The following DHRS7 variants were observed in gnomAD, a reference collection of about 807,000 sequenced individuals.
The protein encoded by DHRS7 is dehydrogenase/reductase SDR family member 7.
Under a neutral mutation model 38.9 loss-of-function variants are expected in DHRS7, and 34 were observed. The ratio of observed to expected loss-of-function variants is 0.87; its 90% confidence interval spans 0.66 to 1.16. DHRS7 has a LOEUF of 1.16. Among genes scored for constraint, DHRS7 ranks in the 50% most tolerant of loss-of-function variants. The probability of loss-of-function intolerance (pLI) is 0.00; values close to 1 mark genes in which losing one functional copy is unlikely to be tolerated. For missense variants in DHRS7, 421 were observed against 407.0 expected (o/e 1.03, Z -0.30); for synonymous variants, 158 against 153.1 (o/e 1.03, Z -0.24).
At position 60,148,882 on chromosome 14, in the gene DHRS7, A is replaced by G. The variant is rs1896468700; in HGVS notation, c.972+471T>C. The G allele has an allele frequency of 6.4e-6, 1 of 155,632 alleles. No individual in the cohort carries two copies. Among genetic ancestry groups the G allele is most frequent in the Admixed American group, 6.4e-5 (1 of 15,526 alleles). The allele number at this position is 155,632 out of a possible 1,614,324, so 9.6% of individuals were successfully genotyped here. A position where few individuals can be genotyped will look rare whatever the true frequency, so the allele number is the denominator to read the frequency against. ...GTAAGAAACTTCTCTCTCCAAGACT[A>G]GTAATAATTTATAGTAAACCAAAAT... On this transcript the variant is annotated intron_variant, in intron 6 of 6. Transcript: ENST00000557185. The surrounding 1 kb of genome is among the most constrained non-coding windows in gnomAD (Gnocchi z 4.8).
upstream of DHRS7, chr14:60,169,021 C>A: frequency 7.3e-6 from 2 of 272,670 alleles, no homozygotes; most frequent in Non-Finnish European, 1.4e-5. Flanking sequence ...CTTGAGACTG[C>A]CTGGAAGGCA....
At position 60,156,166 on chromosome 14, in the gene DHRS7, G is replaced by A; in HGVS notation, c.134-14C>T. On this transcript the variant is annotated splice_polypyrimidine_tract_variant and intron_variant, in intron 1 of 6. Transcript: ENST00000557185. ...TCAGCTCCCATTCTATGGAAGGAAT[G>A]TAAATGGAAGGAAGAAAATAAGCAA... 1 of 1,535,582 alleles carries A rather than the reference G, an allele frequency of 6.5e-7. No homozygotes were observed. The highest frequency in any genetic ancestry group is 8.7e-7 in the Non-Finnish European group (1 of 1,144,634).
chr14:60,158,232 G>GAAAAAAAAAAAAAAA (rs34207942), intron 1 of DHRS7, among the ~76,000 whole-genome samples: 1 of 83,198 alleles, frequency 1.2e-5, no homozygotes, highest in Non-Finnish European at 2.3e-5. Flanking sequence ...GACTCTGTCG[G>GAAAAAAAAAAAAAAA]AAAAAAAAAA....
upstream of DHRS7, among the ~76,000 whole-genome samples, chr14:60,168,398 A>G (rs1019851184): frequency 6.6e-6 from 1 of 152,192 alleles, no homozygotes; most frequent in Non-Finnish European, 1.5e-5. Context: ...ACACTCATGC[A>G]CACATGAGTA....
At position 60,146,221 on chromosome 14, in the gene DHRS7, A is replaced by G. The variant is rs1896402850; in HGVS notation, c.973-1208T>C. 6.6e-6 allele frequency: 1 copy of G among 151,944 alleles called. No individual in the cohort carries two copies. 9.4% of individuals were successfully genotyped at this position (151,944 alleles called of 1,614,324 possible). ...AAGAAAAAGGCTGTCATTTTTTTAG[A>G]AAAACCTAGATGTAAAAAAAATGCG... On this transcript the variant is annotated intron_variant, in intron 6 of 6. Transcript: ENST00000557185. This position sits in a 1 kb window ranked among gnomAD's most constrained non-coding sequence, Gnocchi z 4.9.
chr14:60,156,251 T>A, intron 1 of DHRS7, 99 bp from the exon 2 acceptor site: 1 of 1,076,894 alleles, frequency 9.3e-7, no homozygotes, highest in Non-Finnish European at 1.2e-6. Flanking sequence ...ACAATACCAC[T>A]AAATATGAAG....
chr14:60,150,922 T>A (rs378635), intron 4 of DHRS7, among the ~76,000 whole-genome samples: 41,118 of 151,718 alleles, frequency 0.27, 7,543 homozygotes, highest in African/African-American at 0.52. Flanking sequence ...ACTATCCCTA[T>A]AGATTCTGAT....
rs1262428881 is a variant in DHRS7, at chr14:60,152,921, G to A, written c.633+18C>T. ...CATTTAAGTCAGTTCTATCAGAGTT[G>A]AGTTTGAGCAGCCTTACCCGGAGAG... On this transcript the variant is annotated intron_variant, in intron 4 of 6. Coordinates refer to ENST00000557185, the MANE Select transcript of DHRS7 (RefSeq NM_016029.4). The A allele has an allele frequency of 1.2e-6, 2 of 1,613,680 alleles. No individual in the cohort carries two copies. Among genetic ancestry groups the A allele is most frequent in the African/African-American group, 2.7e-5 (2 of 75,050 alleles).
chr14:60,165,279 C>G lies in DHRS7; in HGVS notation c.31G>C (p.Val11Leu). The G allele has an allele frequency of 6.3e-7, 1 of 1,599,186 alleles. No individual in the cohort carries two copies. Among genetic ancestry groups the G allele is most frequent in the Non-Finnish European group, 8.5e-7 (1 of 1,175,570 alleles). The change falls in exon 1 of 7, where the codon GTG becomes CTG. Residue 11 changes from valine to leucine, a missense_variant. Coordinates refer to ENST00000557185, the MANE Select transcript of DHRS7 (RefSeq NM_016029.4). This position sits in a 1 kb window ranked among gnomAD's most constrained non-coding sequence, Gnocchi z 4.6. MNWELLLWLL[V>L]LCALLLLLVQ... is the part of the protein sequence containing the mutation. ...AAGAGCAGGAGCAGCGCGCACAGCA[C>G]CAGCAGCCACAGCAGCAGCTCCCAG...
At chr14:60,163,163 C>T (rs1223623074) in intron 1 of DHRS7, among the ~76,000 whole-genome samples, 2 of 150,050 alleles carry the variant, frequency 1.3e-5, no homozygotes, top group Non-Finnish European at 3.0e-5. Flanking sequence ...GAGCGAGACT[C>T]TGTCTCAAAA....
upstream of DHRS7, chr14:60,165,603 T>C (rs1566538236): frequency 8.3e-7 from 1 of 1,197,738 alleles, no homozygotes; most frequent in South Asian, 3.4e-5. The surrounding 1 kb of genome is among the most constrained non-coding windows in gnomAD (Gnocchi z 4.6). Context: ...GGAAACCCTG[T>C]GTCTACCAAA....
upstream of DHRS7, chr14:60,168,908 A>C: frequency 1.2e-6 from 1 of 863,152 alleles, no homozygotes; most frequent in South Asian, 2.6e-5. Context: ...TGGTTAGTCT[A>C]ACTAACCCAT....
At chr14:60,156,311 T>C (rs1333541345) in intron 1 of DHRS7, among the ~76,000 whole-genome samples, 159 bp from the exon 2 acceptor site, 1 of 151,488 alleles carries the variant, frequency 6.6e-6, no homozygotes, top group Non-Finnish European at 1.5e-5. Context: ...AGCATCTCCT[T>C]CTTAACTAAA....
chr14:60,165,418 T>A, upstream of DHRS7: 1 of 1,447,770 alleles, frequency 6.9e-7, no homozygotes, highest in Non-Finnish European at 9.1e-7. This position sits in a 1 kb window ranked among gnomAD's most constrained non-coding sequence, Gnocchi z 4.6. Flanking sequence ...AGAGCCGCAC[T>A]GCCCCGGCTC....
At position 60,146,788 on chromosome 14, in the gene DHRS7, G is replaced by A. The variant is rs1224582336; in HGVS notation, c.973-1775C>T. On this transcript the variant is annotated intron_variant, in intron 6 of 6. Coordinates refer to ENST00000557185, the MANE Select transcript of DHRS7 (RefSeq NM_016029.4). This position sits in a 1 kb window ranked among gnomAD's most constrained non-coding sequence, Gnocchi z 4.9. Reference sequence around the variant, plus strand: ...GTGAAAACATGGATAATGAATGGACGTTAATGCTAAGTGATATAAGCAAGA... The same window carrying A: ...GTGAAAACATGGATAATGAATGGACATTAATGCTAAGTGATATAAGCAAGA... 2.0e-5 allele frequency: 3 copies of A among 152,106 alleles called. No individual in the cohort carries two copies. The highest frequency in any genetic ancestry group is 4.1e-4 in the South Asian group (2 of 4,830). The allele number at this position is 152,106 out of a possible 1,614,324, so 9.4% of individuals were successfully genotyped here.
In DHRS7 at chr14:60,150,197, A is replaced by C. The variant is rs1380189471; in HGVS notation, c.634-10T>G. ...GGCCATTAAAAAAACCCTAACAGAC[A>C]AAAAAAAAAAAAAAGGAAAAAGGCA... On this transcript the variant is annotated splice_polypyrimidine_tract_variant and intron_variant, in intron 4 of 6. Coordinates refer to ENST00000557185, the MANE Select transcript of DHRS7 (RefSeq NM_016029.4). 1.0e-5 allele frequency: 3 copies of C among 301,018 alleles called. No individual in the cohort carries two copies. Among genetic ancestry groups the C allele is most frequent in the African/African-American group, 6.5e-5 (3 of 46,456 alleles). The allele number at this position is 301,018 out of a possible 1,614,324, so 18.6% of individuals were successfully genotyped here.
chr14:60,165,540 G>C, upstream of DHRS7: 2 of 1,270,724 alleles, frequency 1.6e-6, no homozygotes, highest in Non-Finnish European at 2.0e-6. The surrounding 1 kb of genome is among the most constrained non-coding windows in gnomAD (Gnocchi z 4.6). Flanking sequence ...ACACCCGGCG[G>C]GGCCGGCAGA....
At chr14:60,159,052 T>C (rs1290331164) in intron 1 of DHRS7, 1 of 464,468 alleles carries the variant, frequency 2.2e-6, no homozygotes, top group Non-Finnish European at 4.3e-6. Context: ...GGATTTTGTA[T>C]CCAAGGCCCA....
Position 60,165,073 on chromosome 14 carries a change from C to A in DHRS7, c.133+104G>T, listed in dbSNP as rs113840162. ...GGGCCTTCGGGAAGCTCCACGCAACCCACAAAGGACCCGGGATCACTGCAG... is the reference window on the plus strand; with the variant it reads ...GGGCCTTCGGGAAGCTCCACGCAACACACAAAGGACCCGGGATCACTGCAG... On this transcript the variant is annotated intron_variant, in intron 1 of 6. Coordinates refer to ENST00000557185, the MANE Select transcript of DHRS7 (RefSeq NM_016029.4). This position sits in a 1 kb window ranked among gnomAD's most constrained non-coding sequence, Gnocchi z 4.6. 4 of 1,448,804 alleles carry A rather than the reference C, an allele frequency of 2.8e-6. No individual in the cohort carries two copies. Among genetic ancestry groups the A allele is most frequent in the Non-Finnish European group, 3.8e-6 (4 of 1,065,236 alleles). The allele number at this position is 1,448,804 out of a possible 1,614,324, so 89.7% of individuals were successfully genotyped here.
Sources: allele counts gnomAD v4.1 joint callset (sites outside exome capture counted in the v4.1 genomes callset), GRCh38; gene constraint gnomAD v4.1.1; non-coding constraint Gnocchi (gnomAD v3.1); transcripts MANE v1.5; gene names NCBI Gene and HGNC (gene_info 2026-07-23, HGNC 2026-07-21).